The following NCOA2 variants were observed in gnomAD, a reference collection of about 807,000 sequenced individuals.
NCOA2 encodes class E basic helix-loop-helix protein 75.
A neutral mutation model predicts 145.1 loss-of-function variants in NCOA2; 21 were observed. That is an observed-to-expected ratio of 0.14 (90% CI 0.10 to 0.21). The LOEUF is 0.21. Ranked by LOEUF, NCOA2 falls within the 10% of genes least tolerant of loss-of-function variation. NCOA2 has a pLI of 1.00. For missense variants in NCOA2, 1,472 were observed against 1,837.6 expected, an observed-to-expected ratio of 0.80 and a Z score of 3.64; for synonymous variants, 619 against 637.5, an observed-to-expected ratio of 0.97 and a Z score of 0.44.
chr8:70,118,045 T>C (rs1807344199), intron 22 of NCOA2, among the ~76,000 whole-genome samples: 1 of 152,088 alleles, frequency 6.6e-6, no homozygotes, highest in African/African-American at 2.4e-5. Flanking sequence ...CCATGCAATA[T>C]TTGAGGGCCT....
chr8:70,433,443 G>A, the NCOA2 span, among the ~76,000 whole-genome samples: 3 of 152,086 alleles, frequency 2.0e-5, no homozygotes, highest in African/African-American at 7.2e-5. Context: ...TAGCTTTGGT[G>A]GATTCCCATA....
the NCOA2 span, among the ~76,000 whole-genome samples, chr8:70,452,332 G>A: frequency 6.6e-6 from 1 of 152,166 alleles, no homozygotes; most frequent in African/African-American, 2.4e-5. Flanking sequence ...CAATGAGCAT[G>A]TTAAAAGATG....
intron 2 of NCOA2, among the ~76,000 whole-genome samples, chr8:70,249,631 A>G (rs1314572698): frequency 6.6e-6 from 1 of 152,116 alleles, no homozygotes; most frequent in Non-Finnish European, 1.5e-5. Flanking sequence ...TCTTAGTTTG[A>G]TATCATGTTC....
At chr8:70,176,701 C>A (rs1814891096) in intron 4 of NCOA2, among the ~76,000 whole-genome samples, 1 of 152,190 alleles carries the variant, frequency 6.6e-6, no homozygotes, top group Non-Finnish European at 1.5e-5. Context: ...TCCTCAAGAT[C>A]TGCTCACTTT....
chr8:70,263,855 C>T (rs1219072800), intron 2 of NCOA2, among the ~76,000 whole-genome samples: 2 of 152,070 alleles, frequency 1.3e-5, no homozygotes, highest in Non-Finnish European at 2.9e-5. Flanking sequence ...TCAGAAAACG[C>T]ATAATGAAAC....
In NCOA2 at chr8:70,110,454, T is replaced by C. The variant is rs557369312; in HGVS notation, c.*3178A>G. Reference sequence around the variant, plus strand: ...AGAAACACCAGGGAGAAAATTCTAATTAAAATCGAAGCCACTACAGTAATT... The same window carrying C: ...AGAAACACCAGGGAGAAAATTCTAACTAAAATCGAAGCCACTACAGTAATT... On this transcript the variant is annotated 3_prime_UTR_variant, in exon 23 of 23. Transcript: ENST00000452400. 13 of 196,778 alleles carry C rather than the reference T, an allele frequency of 6.6e-5. No individual in the cohort carries two copies. In the East Asian group the frequency reaches 1.0e-3, roughly 16 times the overall value. The allele number at this position is 196,778 out of a possible 1,614,324, so 12.2% of individuals were successfully genotyped here.
intron 4 of NCOA2, among the ~76,000 whole-genome samples, chr8:70,207,851 T>C (rs1171935394): frequency 3.6e-5 from 4 of 111,108 alleles, no homozygotes; most frequent in South Asian, 2.7e-4. Flanking sequence ...TGACAGAGCC[T>C]GACTCCACCT....
Position 70,127,196 on chromosome 8 carries a change from G to A in NCOA2, c.3682-149C>T. 4.8e-6 allele frequency: 3 copies of A among 625,612 alleles called. No homozygotes were observed. The South Asian group carries it at 5.9e-5, about 12-fold the overall frequency. The allele number at this position is 625,612 out of a possible 1,614,324, so 38.8% of individuals were successfully genotyped here. A position where few individuals can be genotyped will look rare whatever the true frequency, so the allele number is the denominator to read the frequency against. On this transcript the variant is annotated intron_variant, in intron 18 of 22. Transcript: ENST00000452400. ...TACATGAAAGGAATGACTCAGAGTTGAACAACTAGTGATTGAGAACATGAG... is the reference window on the plus strand; with the variant it reads ...TACATGAAAGGAATGACTCAGAGTTAAACAACTAGTGATTGAGAACATGAG...
At chr8:70,221,005 G>A (rs1170279985) in intron 2 of NCOA2, among the ~76,000 whole-genome samples, 4 of 152,092 alleles carry the variant, frequency 2.6e-5, no homozygotes, top group Non-Finnish European at 2.9e-5. Context: ...AGTTAGAAAC[G>A]ACACAGAAAG....
chr8:70,291,081 C>CT (rs747376193), intron 2 of NCOA2, among the ~76,000 whole-genome samples: 5 of 152,192 alleles, frequency 3.3e-5, no homozygotes, highest in Non-Finnish European at 7.3e-5. Context: ...CTCCCTGAAG[C>CT]TAACAACTGT....
the NCOA2 span, among the ~76,000 whole-genome samples, chr8:70,431,510 C>T: frequency 2.0e-5 from 3 of 152,180 alleles, no homozygotes; most frequent in African/African-American, 4.8e-5. Flanking sequence ...CTTTTTGTAG[C>T]TCTTCCACTG....
intron 2 of NCOA2, among the ~76,000 whole-genome samples, chr8:70,265,017 A>G (rs1404195449): frequency 1.3e-5 from 2 of 152,236 alleles, no homozygotes; most frequent in Non-Finnish European, 2.9e-5. Context: ...ACCTCTAAGA[A>G]AAGAAGAGAA....
Position 70,132,057 on chromosome 8 carries a change from A to C in NCOA2, c.3159-55T>G. 3 of 1,535,586 alleles carry C rather than the reference A, an allele frequency of 2.0e-6. 1 individual carries two copies. The South Asian group carries it at 3.6e-5, about 19-fold the overall frequency. ...AATGGAAAAGCTAGTTGATTAGAGA[A>C]CAAATTCTTTATCTCAAAGGTGAAA... On this transcript the variant is annotated intron_variant, in intron 15 of 22. Transcript: ENST00000452400.
At chr8:70,419,141 A>T in the NCOA2 span, among the ~76,000 whole-genome samples, 1 of 150,310 alleles carries the variant, frequency 6.7e-6, no homozygotes, top group Non-Finnish European at 1.5e-5. Flanking sequence ...TTCTTTATTG[A>T]ACAAACCCTC....
chr8:70,150,107 G>C (rs911074770), intron 11 of NCOA2, among the ~76,000 whole-genome samples: 1 of 152,202 alleles, frequency 6.6e-6, no homozygotes, highest in Non-Finnish European at 1.5e-5. Context: ...GTTCTTCTCA[G>C]AGACAACTAG....
At chr8:70,194,562 G>A (rs1334830057) in intron 4 of NCOA2, among the ~76,000 whole-genome samples, 13 of 152,018 alleles carry the variant, frequency 8.6e-5, no homozygotes, top group Admixed American at 8.5e-4. Context: ...GCTCACATAG[G>A]GGTACAAAAT....
At chr8:70,262,535 C>A (rs894066715) in intron 2 of NCOA2, among the ~76,000 whole-genome samples, 18 of 152,130 alleles carry the variant, frequency 1.2e-4, no homozygotes, top group Non-Finnish European at 2.4e-4. Context: ...GGTACTGCTG[C>A]GGGAAAGATT....
rs929335807 is a variant in NCOA2, at chr8:70,303,012, G to C, written c.-76-6212C>G. Among the ~76,000 whole-genome samples, 4 of 152,202 alleles carry C rather than the reference G, an allele frequency of 2.6e-5. No individual in the cohort carries two copies. In the East Asian group the frequency reaches 7.7e-4, roughly 29 times the overall value. ...TTGTCTCTTGCCTACCATGGTCAGA[G>C]GCAATACAATAAAGCAACTATAATA... On this transcript the variant is annotated intron_variant, in intron 1 of 22. Coordinates refer to ENST00000452400, the MANE Select transcript of NCOA2 (RefSeq NM_006540.4).
chr8:70,386,238 G>A (rs552378894), intron 1 of NCOA2, among the ~76,000 whole-genome samples: 42 of 152,310 alleles, frequency 2.8e-4, no homozygotes, highest in South Asian at 1.4e-3. Flanking sequence ...ATAAATCTCA[G>A]TGAATGAGAT....
Sources: allele counts gnomAD v4.1 joint callset (sites outside exome capture counted in the v4.1 genomes callset), GRCh38; gene constraint gnomAD v4.1.1; transcripts MANE v1.5; gene names NCBI Gene and HGNC (gene_info 2026-07-23, HGNC 2026-07-21).